Variants in RAB27B observed in about 807,000 individuals in gnomAD.
RAB27B encodes the protein ras-related protein Rab-27B.
Under a neutral mutation model 24.6 loss-of-function variants are expected in RAB27B, and 15 were observed. The ratio of observed to expected loss-of-function variants is 0.61; its 90% CI spans 0.41 to 0.94. The LOEUF (loss-of-function observed/expected upper bound fraction) is 0.94. RAB27B is among the 40% of genes least tolerant of loss of function. RAB27B has a pLI of 0.00. For synonymous variants in RAB27B, 105 were observed against 92.5 expected (o/e 1.14, Z -0.78); for missense variants, 261 against 266.8 (o/e 0.98, Z 0.15).
At chr18:54,731,311 T>C (rs9953744) in intron 2 of RAB27B, among the ~76,000 whole-genome samples, 77,975 of 152,124 alleles carry the variant, frequency 0.51, 21,396 homozygotes, top group Middle Eastern at 0.63. Flanking sequence ...GGCAAATCCA[T>C]AGTCATAGTG....
intron 1 of RAB27B, among the ~76,000 whole-genome samples, chr18:54,833,082 G>A (rs928350949): frequency 6.6e-6 from 1 of 152,148 alleles, no homozygotes; most frequent in African/African-American, 2.4e-5. Context: ...TCTGAGCTGT[G>A]AGCATAGTTT....
intron 2 of RAB27B, among the ~76,000 whole-genome samples, chr18:54,750,659 G>C (rs141363036): frequency 6.6e-6 from 1 of 152,098 alleles, no homozygotes; most frequent in South Asian, 2.1e-4. Flanking sequence ...TGAGTGCCAG[G>C]CTCTGTCTTA....
chr18:54,804,906 CTTTCTTTCTTTCTTTCTTTCTTTCTT>C (rs1194660777), intron 2 of RAB27B, among the ~76,000 whole-genome samples: 5 of 115,376 alleles, frequency 4.3e-5, no homozygotes, highest in African/African-American at 1.5e-4. Context: ...TTCTCTCTCT[CTTTCTTTCTTTCTTTCTTTCTTTCTT>C]TCTTTCTTTC....
chr18:54,842,062 T>G (rs1211724395), intron 1 of RAB27B, among the ~76,000 whole-genome samples: 1 of 152,226 alleles, frequency 6.6e-6, no homozygotes. Context: ...TTAGGTCAAA[T>G]GTCTAATGGC....
intron 2 of RAB27B, among the ~76,000 whole-genome samples, chr18:54,737,030 T>C (rs1451578737): frequency 6.6e-6 from 1 of 152,150 alleles, no homozygotes; most frequent in Non-Finnish European, 1.5e-5. Context: ...ATTATCTTCA[T>C]ACATCAAATT....
chr18:54,792,590 G>A (rs1381795840), intron 2 of RAB27B, among the ~76,000 whole-genome samples: 1 of 152,120 alleles, frequency 6.6e-6, no homozygotes, highest in Non-Finnish European at 1.5e-5. Flanking sequence ...AAATTGAATA[G>A]ACCCTGGTTT....
chr18:54,809,522 A>G (rs1434587993), intron 2 of RAB27B, among the ~76,000 whole-genome samples: 2 of 152,342 alleles, frequency 1.3e-5, no homozygotes, highest in East Asian at 1.9e-4. Context: ...GTTGCAGCCA[A>G]TCCACAGATG....
At chr18:54,798,587 A>G (rs1598912244) in intron 2 of RAB27B, among the ~76,000 whole-genome samples, 1 of 152,212 alleles carries the variant, frequency 6.6e-6, no homozygotes, top group Admixed American at 6.5e-5. Flanking sequence ...AGGTGAGTCA[A>G]CCTACACTAG....
At chr18:54,739,453 T>C (rs1910005425) in intron 2 of RAB27B, among the ~76,000 whole-genome samples, 1 of 113,736 alleles carries the variant, frequency 8.8e-6, no homozygotes, top group Non-Finnish European at 1.7e-5. Flanking sequence ...CGAAACTCCA[T>C]CTCAAAAAAA....
At chr18:54,824,561 G>A (rs189629463), upstream of RAB27B, among the ~76,000 whole-genome samples, 9 of 152,274 alleles carry the variant, frequency 5.9e-5, no homozygotes, top group East Asian at 9.7e-4. Flanking sequence ...TCGCATCTGC[G>A]CACTAGTAAG....
intron 2 of RAB27B, among the ~76,000 whole-genome samples, chr18:54,810,954 A>G (rs1046958311): frequency 2.0e-5 from 3 of 152,062 alleles, no homozygotes; most frequent in Non-Finnish European, 4.4e-5. Flanking sequence ...TTTTGTATGA[A>G]TTCTGTTGTT....
intron 2 of RAB27B, among the ~76,000 whole-genome samples, chr18:54,819,203 A>G (rs1910215856): frequency 6.8e-6 from 1 of 148,074 alleles, no homozygotes; most frequent in Admixed American, 6.8e-5. Context: ...TAAATATTAT[A>G]TAATTATAAT....
intron 4 of RAB27B, among the ~76,000 whole-genome samples, chr18:54,884,833 A>C (rs979163120): frequency 5.3e-5 from 8 of 152,142 alleles, no homozygotes; most frequent in African/African-American, 1.9e-4. Context: ...GTATTTTCTG[A>C]GGGGACACTG....
intron 3 of RAB27B, among the ~76,000 whole-genome samples, chr18:54,883,889 G>A (rs1913024691): frequency 6.6e-6 from 1 of 152,080 alleles, no homozygotes; most frequent in African/African-American, 2.4e-5. Flanking sequence ...ACAAGTTGCG[G>A]TTTCCTTCAT....
At chr18:54,750,178 T>C (rs73474601) in intron 2 of RAB27B, among the ~76,000 whole-genome samples, 27,107 of 152,204 alleles carry the variant, frequency 0.18, 2,658 homozygotes, top group African/African-American at 0.25. Context: ...CCTTCCATTT[T>C]TTATCAATTA....
At chr18:54,885,606 C>T (rs760337671) in intron 4 of RAB27B, among the ~76,000 whole-genome samples, 48 of 152,100 alleles carry the variant, frequency 3.2e-4, no homozygotes, top group Admixed American at 5.9e-4. Flanking sequence ...ACTGACCACT[C>T]CATCTAAAAT....
intron 2 of RAB27B, among the ~76,000 whole-genome samples, chr18:54,791,920 G>C (rs940766719): frequency 1.3e-5 from 2 of 152,198 alleles, no homozygotes; most frequent in African/African-American, 4.8e-5. Flanking sequence ...GGGCCGCCAA[G>C]CTGCCCAACT....
At chr18:54,868,011 A>G (rs1250077663) in intron 1 of RAB27B, among the ~76,000 whole-genome samples, 3 of 152,176 alleles carry the variant, frequency 2.0e-5, no homozygotes, top group Non-Finnish European at 2.9e-5. Context: ...GTGTTTTCCA[A>G]TGCTGGAGGT....
chr18:54,846,534 AAG>A (rs1911345937), intron 1 of RAB27B, among the ~76,000 whole-genome samples: 1 of 152,240 alleles, frequency 6.6e-6, no homozygotes, highest in South Asian at 2.1e-4. Context: ...AATAAAAAAC[AAG>A]CAAGAACCAA....
Sources: allele counts gnomAD v4.1 joint callset (sites outside exome capture counted in the v4.1 genomes callset), GRCh38; gene constraint gnomAD v4.1.1; transcripts MANE v1.5; gene names NCBI Gene and HGNC (gene_info 2026-07-23, HGNC 2026-07-21).